FHIT: variants seen among roughly 807,000 people sequenced by gnomAD.
FHIT encodes the protein bis(5'-adenosyl)-triphosphatase.
A neutral mutation model predicts 17.9 loss-of-function variants in FHIT; 19 were observed. The ratio of observed to expected loss-of-function variants is 1.06; its 90% CI spans 0.74 to 1.56. The LOEUF is 1.56. Among genes scored for constraint, FHIT ranks in the 40% most tolerant of loss-of-function variants. The pLI is 0.00. For missense variants in FHIT, 248 were observed against 189.2 expected (o/e 1.31, Z -1.82); for synonymous variants, 81 against 69.7 (o/e 1.16, Z -0.81).
intron 3 of FHIT, among the ~76,000 whole-genome samples, chr3:60,872,070 A>C (rs1469193647): frequency 2.0e-5 from 3 of 152,230 alleles, no homozygotes; most frequent in East Asian, 1.9e-4. Flanking sequence ...ACAAGATCAT[A>C]CTTCAGTATG....
intron 5 of FHIT, among the ~76,000 whole-genome samples, chr3:60,131,728 G>C (rs1699604966): frequency 6.6e-6 from 1 of 152,064 alleles, no homozygotes; most frequent in Non-Finnish European, 1.5e-5. Context: ...CAGTCTAGGA[G>C]AGACTCCAAT....
intron 3 of FHIT, among the ~76,000 whole-genome samples, chr3:60,896,686 A>G (rs1705839456): frequency 2.0e-5 from 3 of 152,230 alleles, no homozygotes; most frequent in African/African-American, 7.2e-5. Flanking sequence ...AATTGAAGTC[A>G]AGGTACTGCA....
chr3:59,907,471 G>T (rs180926515), intron 8 of FHIT, among the ~76,000 whole-genome samples: 25 of 152,180 alleles, frequency 1.6e-4, no homozygotes, highest in Non-Finnish European at 3.5e-4. Context: ...TTCATGCAGG[G>T]ATAAGGACAC....
At chr3:60,512,171 T>C (rs1426512005) in intron 5 of FHIT, among the ~76,000 whole-genome samples, 2 of 152,200 alleles carry the variant, frequency 1.3e-5, no homozygotes, top group Non-Finnish European at 2.9e-5. Context: ...AAGACATGTC[T>C]ATTAATTCAA....
chr3:60,414,771 T>C (rs528793555), intron 5 of FHIT, among the ~76,000 whole-genome samples: 4 of 152,202 alleles, frequency 2.6e-5, no homozygotes, highest in Non-Finnish European at 5.9e-5. Context: ...TTTCTGTTAA[T>C]AGTAGAAGAT....
intron 7 of FHIT, among the ~76,000 whole-genome samples, chr3:59,995,946 C>T (rs1699491231): frequency 6.6e-6 from 1 of 152,068 alleles, no homozygotes; most frequent in Non-Finnish European, 1.5e-5. Flanking sequence ...CTTTCCTTCA[C>T]ACAGGGGTGA....
intron 5 of FHIT, among the ~76,000 whole-genome samples, chr3:60,227,582 C>T (rs924475077): frequency 6.6e-6 from 1 of 152,192 alleles, no homozygotes; most frequent in South Asian, 2.1e-4. Context: ...AAGAACACGG[C>T]TGAAATGAAC....
intron 4 of FHIT, among the ~76,000 whole-genome samples, chr3:60,790,648 CAT>C (rs144713849): frequency 0.12 from 18,353 of 152,048 alleles, 1,503 homozygotes; most frequent in African/African-American, 0.23. Context: ...TACCTTAAAA[CAT>C]ATTGAACCAT....
chr3:59,874,121 C>CA (rs1275548340), intron 8 of FHIT, among the ~76,000 whole-genome samples: 1 of 152,100 alleles, frequency 6.6e-6, no homozygotes, highest in Non-Finnish European at 1.5e-5. Flanking sequence ...AAAAGAATCA[C>CA]AAAAATATTT....
intron 4 of FHIT, among the ~76,000 whole-genome samples, chr3:60,724,394 T>C (rs1577119907): frequency 6.6e-6 from 1 of 152,226 alleles, no homozygotes; most frequent in East Asian, 1.9e-4. Flanking sequence ...AATGGAACTT[T>C]GTATTGTTTC....
intron 3 of FHIT, among the ~76,000 whole-genome samples, chr3:61,016,720 T>C (rs1317983862): frequency 6.6e-6 from 1 of 152,200 alleles, no homozygotes; most frequent in Admixed American, 6.5e-5. Flanking sequence ...ATAGCAACCA[T>C]CAAGCATAAA....
At chr3:60,974,334 G>T (rs1047626255) in intron 3 of FHIT, among the ~76,000 whole-genome samples, 20 of 152,112 alleles carry the variant, frequency 1.3e-4, no homozygotes, top group Admixed American at 3.9e-4. Flanking sequence ...GTCAGTCCCT[G>T]TTCATCCCAT....
rs1486231808 is a variant in FHIT, at chr3:59,752,199, A to G, written c.*5+22T>C. Reference sequence around the variant, plus strand: ...CTGAGGCCCACGGGAGGGTCTGGGTAATGACGAAATGCAGTCTTTACCTGT... The same window carrying G: ...CTGAGGCCCACGGGAGGGTCTGGGTGATGACGAAATGCAGTCTTTACCTGT... On this transcript the variant is annotated intron_variant, in intron 9 of 9. Coordinates refer to ENST00000492590, the MANE Select transcript of FHIT (RefSeq NM_002012.4). The G allele has an allele frequency of 6.4e-6, 10 of 1,565,994 alleles. No individual in the cohort carries two copies. The African/African-American group carries it at 8.1e-5, about 13-fold the overall frequency.
intron 1 of FHIT, among the ~76,000 whole-genome samples, chr3:61,249,988 AC>A (rs2040578050): frequency 1.6e-5 from 2 of 123,868 alleles, no homozygotes; most frequent in Admixed American, 1.6e-4. Flanking sequence ...ACACACACAC[AC>A]AAACCCTAGA....
intron 7 of FHIT, among the ~76,000 whole-genome samples, chr3:60,004,923 G>A (rs936393372): frequency 1.3e-5 from 2 of 152,052 alleles, no homozygotes; most frequent in African/African-American, 2.4e-5. Flanking sequence ...TAATCCATTT[G>A]GTCCTCACAA....
intron 5 of FHIT, among the ~76,000 whole-genome samples, chr3:60,283,169 A>C (rs909737102): frequency 6.6e-6 from 1 of 152,114 alleles, no homozygotes; most frequent in African/African-American, 2.4e-5. Context: ...AAGCAAGCTA[A>C]AATTCCTTTC....
chr3:60,184,965 T>A (rs1702097510), intron 5 of FHIT, among the ~76,000 whole-genome samples: 1 of 152,182 alleles, frequency 6.6e-6, no homozygotes, highest in African/African-American at 2.4e-5. Flanking sequence ...CCCATTATTG[T>A]GATTTATTTT....
intron 7 of FHIT, among the ~76,000 whole-genome samples, chr3:59,956,853 T>C (rs1177449800): frequency 2.6e-5 from 4 of 152,194 alleles, no homozygotes; most frequent in Non-Finnish European, 5.9e-5. Context: ...CAAAAATCCC[T>C]ATCATCCTTT....
chr3:59,940,264 G>A (rs182208633), intron 7 of FHIT, among the ~76,000 whole-genome samples: 117 of 152,264 alleles, frequency 7.7e-4, no homozygotes, highest in Middle Eastern at 3.4e-3. Context: ...ACGATTATTA[G>A]TACTACAACT....
Sources: gnomAD v4.1 joint callset for allele counts (sites outside exome capture counted in the v4.1 genomes callset) on GRCh38, gnomAD v4.1.1 for gene constraint, MANE v1.5 for transcripts, NCBI Gene and HGNC (gene_info 2026-07-23, HGNC 2026-07-21) for gene names.